PRKCE: variants seen among roughly 807,000 people sequenced by gnomAD.
The protein encoded by PRKCE is protein kinase C epsilon type.
PRKCE carries 16 observed loss-of-function variants against 85.4 expected under a neutral mutation model. The observed-to-expected ratio is 0.19, with a 90% confidence interval of 0.13 to 0.28. The LOEUF (loss-of-function observed/expected upper bound fraction) is 0.28. PRKCE is among the 10% of genes least tolerant of loss of function. PRKCE has a pLI of 1.00. For missense variants in PRKCE, 573 were observed against 975.2 expected, an observed-to-expected ratio of 0.59 and a Z score of 5.49; for synonymous variants, 388 against 371.5, an observed-to-expected ratio of 1.04 and a Z score of -0.51.
At chr2:46,115,762 G>A (rs1198044573) in intron 11 of PRKCE, among the ~76,000 whole-genome samples, 1 of 152,186 alleles carries the variant, frequency 6.6e-6, no homozygotes, top group Non-Finnish European at 1.5e-5. Flanking sequence ...CCAGACACAG[G>A]CTGCTTTCCC....
chr2:45,975,736 G>C (rs1702406036), intron 2 of PRKCE, among the ~76,000 whole-genome samples: 1 of 152,176 alleles, frequency 6.6e-6, no homozygotes, highest in Non-Finnish European at 1.5e-5. Flanking sequence ...GGGAAGGAAG[G>C]TATTGGGAAG....
At chr2:45,996,807 C>G (rs1390353720) in intron 6 of PRKCE, among the ~76,000 whole-genome samples, 1 of 151,970 alleles carries the variant, frequency 6.6e-6, no homozygotes, top group Non-Finnish European at 1.5e-5. Context: ...TTTATAATAT[C>G]TTTGCTTTGA....
At chr2:45,744,705 C>T (rs927695934) in intron 1 of PRKCE, among the ~76,000 whole-genome samples, 1 of 151,724 alleles carries the variant, frequency 6.6e-6, no homozygotes, top group African/African-American at 2.4e-5. Context: ...GTCTCCAGAG[C>T]TCAAGCGATT....
chr2:45,789,142 A>T (rs1686844355), intron 1 of PRKCE, among the ~76,000 whole-genome samples: 1 of 152,134 alleles, frequency 6.6e-6, no homozygotes, highest in Non-Finnish European at 1.5e-5. Flanking sequence ...GCTCATGCCT[A>T]TAATCCCAGC....
At chr2:45,691,508 ACTGT>A (rs1677723664) in intron 1 of PRKCE, among the ~76,000 whole-genome samples, 1 of 152,126 alleles carries the variant, frequency 6.6e-6, no homozygotes, top group Admixed American at 6.5e-5. Flanking sequence ...AGAATAACTA[ACTGT>A]CTGGCACATT....
At chr2:45,729,233 G>A (rs774003007) in intron 1 of PRKCE, among the ~76,000 whole-genome samples, 6 of 152,320 alleles carry the variant, frequency 3.9e-5, no homozygotes, top group African/African-American at 1.2e-4. Context: ...CACATAGGGC[G>A]GTGGAGGACA....
intron 11 of PRKCE, among the ~76,000 whole-genome samples, chr2:46,098,921 T>G (rs3754575): frequency 0.52 from 78,891 of 151,634 alleles, 23,334 homozygotes; most frequent in East Asian, 0.86. Flanking sequence ...TGACTCAGGC[T>G]GGAGGTGGGG....
intron 2 of PRKCE, among the ~76,000 whole-genome samples, chr2:45,923,971 G>A (rs1459860875): frequency 6.6e-6 from 1 of 152,112 alleles, no homozygotes; most frequent in African/African-American, 2.4e-5. Flanking sequence ...TTTGAGGAGA[G>A]AGGTGTACAT....
chr2:45,940,904 CAAA>C (rs11291175), intron 2 of PRKCE, among the ~76,000 whole-genome samples: 1 of 146,136 alleles, frequency 6.8e-6, no homozygotes. Context: ...ATTAAAAATA[CAAA>C]AAAAAAAAAT....
At chr2:45,791,514 C>A (rs72799991) in intron 1 of PRKCE, among the ~76,000 whole-genome samples, 24,626 of 152,172 alleles carry the variant, frequency 0.16, 2,257 homozygotes, top group African/African-American at 0.24. Flanking sequence ...ATGTCCTTTC[C>A]TTCCATATCC....
chr2:45,789,519 A>G (rs1686871368), intron 1 of PRKCE, among the ~76,000 whole-genome samples: 1 of 152,062 alleles, frequency 6.6e-6, no homozygotes, highest in Non-Finnish European at 1.5e-5. Context: ...GGTCCTAGCT[A>G]CTCAGGAAGC....
At chr2:46,156,894 T>A (rs1356180380) in intron 13 of PRKCE, among the ~76,000 whole-genome samples, 1 of 152,246 alleles carries the variant, frequency 6.6e-6, no homozygotes, top group South Asian at 2.1e-4. Flanking sequence ...ACTTATGTTT[T>A]GAGGCTTTTA....
intron 1 of PRKCE, among the ~76,000 whole-genome samples, chr2:45,827,828 G>A (rs1404321133): frequency 6.6e-6 from 1 of 152,060 alleles, no homozygotes; most frequent in Non-Finnish European, 1.5e-5. Flanking sequence ...GATTAATATT[G>A]GATTAAAGGG....
intron 2 of PRKCE, among the ~76,000 whole-genome samples, chr2:45,942,327 G>A (rs1699943070): frequency 6.6e-6 from 1 of 152,172 alleles, no homozygotes; most frequent in Admixed American, 6.5e-5. Flanking sequence ...GTTTACATGT[G>A]GGTTAGGAGA....
At chr2:46,123,486 T>C (rs1294235730) in intron 11 of PRKCE, among the ~76,000 whole-genome samples, 1 of 152,070 alleles carries the variant, frequency 6.6e-6, no homozygotes, top group African/African-American at 2.4e-5. Flanking sequence ...ATGGGTTTCT[T>C]TCTTCCTTTC....
intron 2 of PRKCE, among the ~76,000 whole-genome samples, chr2:45,904,978 C>G (rs887800819): frequency 1.3e-5 from 2 of 152,216 alleles, no homozygotes; most frequent in Non-Finnish European, 2.9e-5. Flanking sequence ...AGCTGGTAGC[C>G]TTTGTTGACC....
chr2:45,870,481 T>G (rs1694004452), intron 2 of PRKCE, among the ~76,000 whole-genome samples: 1 of 152,230 alleles, frequency 6.6e-6, no homozygotes, highest in Non-Finnish European at 1.5e-5. Context: ...ATTTGGGCAC[T>G]TAAGTGATGT....
chr2:45,703,399 A>G (rs192027256), intron 1 of PRKCE, among the ~76,000 whole-genome samples: 145 of 152,136 alleles, frequency 9.5e-4, no homozygotes, highest in African/African-American at 3.0e-3. Flanking sequence ...GTAGCCAGAC[A>G]TGGTGGCATG....
intron 2 of PRKCE, among the ~76,000 whole-genome samples, chr2:45,886,618 G>GT (rs1558795518): frequency 6.6e-6 from 1 of 152,220 alleles, no homozygotes; most frequent in African/African-American, 2.4e-5. Flanking sequence ...CGTGATAACA[G>GT]TAACCCTGCA....
Sources: gnomAD v4.1 joint callset for allele counts (sites outside exome capture counted in the v4.1 genomes callset) on GRCh38, gnomAD v4.1.1 for gene constraint, MANE v1.5 for transcripts, NCBI Gene and HGNC (gene_info 2026-07-23, HGNC 2026-07-21) for gene names.